ZFHX3: variants seen among roughly 807,000 people sequenced by gnomAD.
ZFHX3 encodes the protein zinc finger homeobox protein 3.
ZFHX3 carries 42 observed loss-of-function variants against 279.1 expected under a neutral mutation model. The observed-to-expected ratio is 0.15, with a 90% CI of 0.12 to 0.19. ZFHX3 has a LOEUF of 0.19. ZFHX3 is among the 10% of genes least tolerant of loss of function. The probability of loss-of-function intolerance (pLI) is 1.00; values close to 1 mark genes in which losing one functional copy is unlikely to be tolerated. For missense variants in ZFHX3, 4,981 were observed against 4,754.0 expected (o/e 1.05, Z -1.40); for synonymous variants, 2,293 against 1,957.8 (o/e 1.17, Z -4.52).
At chr16:72,923,479 A>AT (rs1959257733) in intron 3 of ZFHX3, among the ~76,000 whole-genome samples, 2 of 151,888 alleles carry the variant, frequency 1.3e-5, no homozygotes, top group South Asian at 2.1e-4. Flanking sequence ...GACGCTATGA[A>AT]TATATATGCC....
chr16:72,938,635 T>G (rs1040703802), intron 3 of ZFHX3, among the ~76,000 whole-genome samples: 15 of 152,082 alleles, frequency 9.9e-5, no homozygotes, highest in Middle Eastern at 3.4e-3. Context: ...TCAGAGCAAA[T>G]CGGCACGCCC....
At chr16:73,147,062 C>T (rs1372209054) in intron 5 of ZFHX3, among the ~76,000 whole-genome samples, 1 of 152,164 alleles carries the variant, frequency 6.6e-6, no homozygotes, top group Admixed American at 6.5e-5. Flanking sequence ...TGGAAAAGAA[C>T]AGGTTAAAGG....
chr16:73,329,643 AC>A (rs2015762097), intron 3 of ZFHX3, among the ~76,000 whole-genome samples: 1 of 151,900 alleles, frequency 6.6e-6, no homozygotes, highest in Admixed American at 6.6e-5. Flanking sequence ...CACATTAAAA[AC>A]CCTACAGATA....
chr16:73,443,224 G>A (rs1337472174), intron 3 of ZFHX3, among the ~76,000 whole-genome samples: 1 of 152,112 alleles, frequency 6.6e-6, no homozygotes, highest in African/African-American at 2.4e-5. Context: ...AAATTTGCAA[G>A]CATGGGGAGC....
chr16:73,140,998 C>T (rs972435651), intron 6 of ZFHX3, among the ~76,000 whole-genome samples: 3 of 152,212 alleles, frequency 2.0e-5, no homozygotes, highest in Non-Finnish European at 2.9e-5. Context: ...TCAAGAGCAG[C>T]TGGTCACCCC....
chr16:72,957,289 G>A (rs1488816466), intron 2 of ZFHX3, 138 bp downstream of exon 2: 1 of 979,798 alleles, frequency 1.0e-6, no homozygotes, highest in South Asian at 1.7e-5. Context: ...ATACTTGATT[G>A]TAAGACACTC....
chr16:73,311,287 G>C (rs2015319073), intron 4 of ZFHX3, among the ~76,000 whole-genome samples: 1 of 149,756 alleles, frequency 6.7e-6, no homozygotes, highest in South Asian at 2.1e-4. Context: ...CCCCAAGACA[G>C]AGGACTGTTA....
intron 1 of ZFHX3, among the ~76,000 whole-genome samples, chr16:73,761,895 G>A (rs1165396265): frequency 6.6e-6 from 1 of 152,104 alleles, no homozygotes; most frequent in Non-Finnish European, 1.5e-5. Flanking sequence ...AAAAAATCTA[G>A]GGAATACCAT....
At chr16:73,445,489 C>G (rs1179496432) in intron 3 of ZFHX3, among the ~76,000 whole-genome samples, 2 of 152,054 alleles carry the variant, frequency 1.3e-5, no homozygotes, top group Non-Finnish European at 2.9e-5. Flanking sequence ...GTCAAGGTCT[C>G]TACTTGTTAT....
At chr16:72,936,950 C>T (rs145070917) in intron 3 of ZFHX3, among the ~76,000 whole-genome samples, 49 of 152,098 alleles carry the variant, frequency 3.2e-4, no homozygotes, top group African/African-American at 1.1e-3. Context: ...GAAGGAAGCA[C>T]CCACAGAACT....
intron 5 of ZFHX3, among the ~76,000 whole-genome samples, chr16:73,159,572 G>A (rs931248902): frequency 6.6e-6 from 1 of 152,122 alleles, no homozygotes; most frequent in Non-Finnish European, 1.5e-5. Context: ...CCAAAGGGAG[G>A]CCATTCTTGT....
At chr16:72,973,471 A>G (rs1962195451) in intron 1 of ZFHX3, 2 of 151,982 alleles carry the variant, frequency 1.3e-5, no homozygotes, top group African/African-American at 2.4e-5. Context: ...TGCATTATCA[A>G]CTCTGTTCCC....
At chr16:72,947,645 G>A (rs1445095655) in intron 3 of ZFHX3, among the ~76,000 whole-genome samples, 2 of 152,082 alleles carry the variant, frequency 1.3e-5, no homozygotes, top group Non-Finnish European at 2.9e-5. Flanking sequence ...TAGGTGCCGC[G>A]GAGAGCAGCT....
At chr16:73,841,943 G>C (rs946081457) in intron 1 of ZFHX3, among the ~76,000 whole-genome samples, 5 of 152,034 alleles carry the variant, frequency 3.3e-5, no homozygotes, top group African/African-American at 1.2e-4. Context: ...AGTCAGGTGC[G>C]GTGGCTCACG....
chr16:73,112,851 G>A (rs1966393487), intron 7 of ZFHX3, among the ~76,000 whole-genome samples: 2 of 151,826 alleles, frequency 1.3e-5, no homozygotes, highest in African/African-American at 2.4e-5. Context: ...GAGGGTCCTA[G>A]CTGCTGCCCC....
intron 4 of ZFHX3, among the ~76,000 whole-genome samples, chr16:72,839,672 G>C (rs1019119973): frequency 6.6e-6 from 1 of 151,950 alleles, no homozygotes; most frequent in Non-Finnish European, 1.5e-5. Flanking sequence ...AGAAGGTCTC[G>C]ATGGAGTATT....
rs543296189 is a variant in ZFHX3 at position 72,784,914 on chromosome 16, A to AAAAAG, written c.*2245_*2249dup. 4.6e-5 allele frequency: 7 copies of AAAAAG among 152,564 alleles called. No individual in the cohort carries two copies. The highest frequency in any genetic ancestry group is 1.4e-4 in the African/African-American group (6 of 41,544). 9.5% of individuals were successfully genotyped at this position (152,564 alleles called of 1,614,324 possible). Reference sequence around the variant, plus strand: ...CATAAAAATAAAATAGTCCCGGCTAAAAAAGAAAAAAAGAAAAAAAATCCA... The same window carrying AAAAAG: ...CATAAAAATAAAATAGTCCCGGCTAAAAAAGAAAAGAAAAAAAGAAAAAAAATCCA... On this transcript the variant is annotated 3_prime_UTR_variant, in exon 10 of 10. Transcript: ENST00000268489.
At chr16:73,831,198 C>A (rs949280427) in intron 1 of ZFHX3, among the ~76,000 whole-genome samples, 1 of 152,172 alleles carries the variant, frequency 6.6e-6, no homozygotes, top group African/African-American at 2.4e-5. Context: ...ATTCTCAAGG[C>A]TAAAGGGATT....
At position 72,923,103 on chromosome 16, in the gene ZFHX3, T is replaced by C. The variant is rs191183039; in HGVS notation, c.3216+27366A>G. ...TGTATCTATGTATATGTTGTGTACA[T>C]AAATAGAAGCTGGCATCTATCTGTC... On this transcript the variant is annotated intron_variant, in intron 3 of 9. Coordinates refer to ENST00000268489, the MANE Select transcript of ZFHX3 (RefSeq NM_006885.4). Among the ~76,000 whole-genome samples the C allele has an allele frequency of 3.8e-3, 579 of 152,346 alleles. 1 individual carries two copies. The highest frequency in any genetic ancestry group is 6.9e-3 in the Non-Finnish European group (467 of 68,046).
Sources: gnomAD v4.1 joint callset for allele counts (sites outside exome capture counted in the v4.1 genomes callset) on GRCh38, gnomAD v4.1.1 for gene constraint, MANE v1.5 for transcripts, NCBI Gene and HGNC (gene_info 2026-07-23, HGNC 2026-07-21) for gene names.